The following ZMAT4 variants were observed in gnomAD, a reference collection of about 807,000 sequenced individuals.
ZMAT4 encodes the protein zinc finger matrin-type 4.
A neutral mutation model predicts 28.7 loss-of-function variants in ZMAT4; 17 were observed. The ratio of observed to expected loss-of-function variants is 0.59; its 90% CI spans 0.41 to 0.89. The LOEUF (loss-of-function observed/expected upper bound fraction) is 0.89, where lower values mean the gene tolerates loss of function less well. Among genes scored for constraint, ZMAT4 ranks in the 40% least tolerant of loss-of-function variants. ZMAT4 has a pLI of 0.00. For missense variants in ZMAT4, 240 were observed against 283.8 expected (o/e 0.85, Z 1.11); for synonymous variants, 117 against 109.2 (o/e 1.07, Z -0.44).
chr8:40,777,732 T>C (rs1326299096), intron 2 of ZMAT4, among the ~76,000 whole-genome samples: 1 of 152,168 alleles, frequency 6.6e-6, no homozygotes, highest in Non-Finnish European at 1.5e-5. Flanking sequence ...AACGGACAAG[T>C]GTCCCCACCC....
intron 5 of ZMAT4, among the ~76,000 whole-genome samples, chr8:40,634,532 C>T (rs1430006686): frequency 6.6e-6 from 1 of 152,092 alleles, no homozygotes; most frequent in Non-Finnish European, 1.5e-5. Flanking sequence ...TTTATTTCAC[C>T]CAGAAATTTA....
chr8:40,853,823 G>A (rs941168369), intron 1 of ZMAT4, among the ~76,000 whole-genome samples: 13 of 152,288 alleles, frequency 8.5e-5, no homozygotes, highest in African/African-American at 2.9e-4. Flanking sequence ...GTTTTGACCC[G>A]AGAGAACCTG....
rs558736142 is a variant in ZMAT4 at position 40,723,269 on chromosome 8, A to AC, written c.193-25869dup. ...CTCTAAAGATTGGGTAGGACTGGGC[A>AC]CGGTGGCTCACGCCTGTAATCCCAA... On this transcript the variant is annotated intron_variant, in intron 3 of 6. Coordinates refer to ENST00000297737, the MANE Select transcript of ZMAT4 (RefSeq NM_024645.3). Among the ~76,000 whole-genome samples, 714 of 152,248 alleles carry AC rather than the reference A, an allele frequency of 4.7e-3. 3 individuals are homozygous for AC. The highest frequency in any genetic ancestry group is 0.016 in the African/African-American group (680 of 41,566).
At chr8:40,551,584 G>A in intron 6 of ZMAT4, among the ~76,000 whole-genome samples, 1 of 152,148 alleles carries the variant, frequency 6.6e-6, no homozygotes, top group Non-Finnish European at 1.5e-5. Flanking sequence ...CCATACCTCT[G>A]AGCGGGACAG....
At chr8:40,800,980 AG>A in intron 2 of ZMAT4, among the ~76,000 whole-genome samples, 1 of 152,230 alleles carries the variant, frequency 6.6e-6, no homozygotes, top group African/African-American at 2.4e-5. Flanking sequence ...CCTCAAGCAA[AG>A]CTAAGAACAA....
chr8:40,851,205 G>A (rs527710838), intron 1 of ZMAT4, among the ~76,000 whole-genome samples: 57 of 152,232 alleles, frequency 3.7e-4, no homozygotes, highest in African/African-American at 1.2e-3. Context: ...CACATTGCCC[G>A]TAATCCCAGC....
chr8:40,622,501 T>G (rs1408361224), intron 5 of ZMAT4, among the ~76,000 whole-genome samples: 1 of 152,226 alleles, frequency 6.6e-6, no homozygotes, highest in Non-Finnish European at 1.5e-5. Flanking sequence ...TGCACAAATC[T>G]CTTCCCTTTT....
intron 1 of ZMAT4, among the ~76,000 whole-genome samples, chr8:40,830,525 G>A (rs11996783): frequency 0.084 from 12,834 of 152,108 alleles, 950 homozygotes; most frequent in East Asian, 0.33. Flanking sequence ...TCTTTTTGTG[G>A]TTGTGTGGTA....
At chr8:40,841,819 C>T (rs989400691) in intron 1 of ZMAT4, among the ~76,000 whole-genome samples, 2 of 152,154 alleles carry the variant, frequency 1.3e-5, no homozygotes, top group Non-Finnish European at 2.9e-5. Context: ...AGTAGAACTC[C>T]CTGTTTCTAT....
intron 6 of ZMAT4, among the ~76,000 whole-genome samples, chr8:40,532,720 A>G (rs1175467566): frequency 6.6e-6 from 1 of 152,094 alleles, no homozygotes; most frequent in East Asian, 1.9e-4. Flanking sequence ...TTTCTGGGCC[A>G]GGTGCAGTGG....
intron 1 of ZMAT4, among the ~76,000 whole-genome samples, chr8:40,844,522 G>A (rs1816812223): frequency 6.6e-6 from 1 of 152,090 alleles, no homozygotes; most frequent in Admixed American, 6.5e-5. Flanking sequence ...TCTCCAGCTT[G>A]CAAATGTCAG....
At chr8:40,825,314 C>A (rs558868621) in intron 2 of ZMAT4, among the ~76,000 whole-genome samples, 5 of 152,238 alleles carry the variant, frequency 3.3e-5, no homozygotes, top group African/African-American at 1.2e-4. Context: ...AAAGCCCAAG[C>A]AGAGTCTCCA....
At chr8:40,655,807 TGAATCAAAGACATAAATGTAA>T (rs1174220614) in intron 5 of ZMAT4, among the ~76,000 whole-genome samples, 2 of 152,058 alleles carry the variant, frequency 1.3e-5, no homozygotes, top group Non-Finnish European at 2.9e-5. Context: ...TAAGCCAAAA[TGAATCAAAGACATAAATGTAA>T]GAAGTAAAAC....
At chr8:40,679,638 C>T (rs1465485332) in intron 4 of ZMAT4, among the ~76,000 whole-genome samples, 1 of 152,178 alleles carries the variant, frequency 6.6e-6, no homozygotes, top group Non-Finnish European at 1.5e-5. Flanking sequence ...GATTCAATTA[C>T]TTCCCACTGG....
intron 1 of ZMAT4, among the ~76,000 whole-genome samples, chr8:40,837,262 C>T (rs1392718188): frequency 6.6e-6 from 1 of 152,212 alleles, no homozygotes; most frequent in Non-Finnish European, 1.5e-5. Context: ...TCTCCTTCTG[C>T]AGGCTGGACG....
rs576113350 is a variant in ZMAT4, at chr8:40,545,765, G to C, written c.675-13527C>G. ...GAACTTCTAGCTTCCAGAATTGCGA[G>C]AGAATCCATTTCTGTTGTTTACGTC... is the stretch of plus-strand genomic sequence containing the variant. On this transcript the variant is annotated intron_variant, in intron 6 of 6. Coordinates refer to ENST00000297737, the MANE Select transcript of ZMAT4 (RefSeq NM_024645.3). Among the ~76,000 whole-genome samples the C allele has an allele frequency of 1.1e-4, 17 of 152,070 alleles. No individual in the cohort carries two copies. The South Asian group carries it at 2.7e-3, about 24-fold the overall frequency.
intron 5 of ZMAT4, among the ~76,000 whole-genome samples, chr8:40,610,771 T>C (rs1018862794): frequency 6.6e-6 from 1 of 152,088 alleles, no homozygotes; most frequent in Non-Finnish European, 1.5e-5. Context: ...CTCTTGATTC[T>C]TTGGGCATAT....
intron 1 of ZMAT4, among the ~76,000 whole-genome samples, chr8:40,883,404 T>A (rs1818346127): frequency 6.6e-6 from 1 of 152,178 alleles, no homozygotes; most frequent in Non-Finnish European, 1.5e-5. Context: ...CTTCCCGGAC[T>A]ACCTGGAATG....
intron 2 of ZMAT4, among the ~76,000 whole-genome samples, chr8:40,806,018 A>G (rs920713012): frequency 3.3e-5 from 5 of 152,202 alleles, no homozygotes; most frequent in Admixed American, 2.0e-4. Context: ...CAATAATCTC[A>G]TCTTATTCTA....
Sources: allele counts gnomAD v4.1 joint callset (sites outside exome capture counted in the v4.1 genomes callset), GRCh38; gene constraint gnomAD v4.1.1; transcripts MANE v1.5; gene names NCBI Gene and HGNC (gene_info 2026-07-23, HGNC 2026-07-21).